Variants in DENND1A observed in about 807,000 individuals in gnomAD.
DENND1A encodes DENN domain-containing protein 1A.
In DENND1A, 51 loss-of-function variants were observed where a neutral mutation model predicts 113.7. The ratio of observed to expected loss-of-function variants is 0.45; its 90% CI spans 0.36 to 0.57. The LOEUF (loss-of-function observed/expected upper bound fraction) is 0.57, where lower values mean the gene tolerates loss of function less well. Among genes scored for constraint, DENND1A ranks in the 20% least tolerant of loss-of-function variants. DENND1A has a pLI of 0.00. For missense variants in DENND1A, 1,258 were observed against 1,395.9 expected, an observed-to-expected ratio of 0.90 and a Z score of 1.57; for synonymous variants, 565 against 570.8, an observed-to-expected ratio of 0.99 and a Z score of 0.14.
At chr9:123,753,003 G>A (rs2070195554) in intron 5 of DENND1A, among the ~76,000 whole-genome samples, 1 of 152,292 alleles carries the variant, frequency 6.6e-6, no homozygotes, top group South Asian at 2.1e-4. Flanking sequence ...ACCATGGGAG[G>A]AAATAATGCA....
rs952289439 is a variant in DENND1A, at chr9:123,789,373, G to A, written c.132+3214C>T. On this transcript the variant is annotated intron_variant, in intron 3 of 23. Coordinates refer to ENST00000394215, the MANE Select transcript of DENND1A (RefSeq NM_001352964.2). ...TTCAGATTACATTTTTTATGAAACA[G>A]TAAGATCTATCAGAGCTGAGAGGAC... Among the ~76,000 whole-genome samples, 5 of 152,060 alleles carry A rather than the reference G, an allele frequency of 3.3e-5. No individual in the cohort carries two copies. The South Asian group carries it at 6.2e-4, about 19-fold the overall frequency.
chr9:123,493,264 GGACA>G (rs1474221326), intron 13 of DENND1A: 1 of 152,302 alleles, frequency 6.6e-6, no homozygotes, highest in East Asian at 1.9e-4. Context: ...GAGGGAGGCA[GGACA>G]GACCTCATCA....
chr9:123,899,647 A>G (rs186822755), intron 1 of DENND1A, among the ~76,000 whole-genome samples: 22 of 152,344 alleles, frequency 1.4e-4, no homozygotes, highest in Admixed American at 3.3e-4. Flanking sequence ...AGTATTCCAC[A>G]GAATACCATG....
Position 123,898,175 on chromosome 9 carries a change from C to T in DENND1A, c.18-19154G>A, listed in dbSNP as rs117091764. Among the ~76,000 whole-genome samples, 33 of 152,168 alleles carry T rather than the reference C, an allele frequency of 2.2e-4. No individual in the cohort carries two copies. The East Asian group carries it at 4.8e-3, about 22-fold the overall frequency. On this transcript the variant is annotated intron_variant, in intron 1 of 23. Transcript: ENST00000394215. ...CACTGTAGTTTTAATTTGCATTTTC[C>T]TAATGACTAAAATGATGCTGAGCAT...
intron 9 of DENND1A, among the ~76,000 whole-genome samples, chr9:123,650,899 T>A (rs1321563531): frequency 8.8e-6 from 1 of 113,542 alleles, no homozygotes; most frequent in Non-Finnish European, 1.6e-5. Flanking sequence ...AGAGTAAGAC[T>A]CTGTCTCAAA....
At chr9:123,542,854 C>A (rs183195998) in intron 13 of DENND1A, among the ~76,000 whole-genome samples, 1 of 152,186 alleles carries the variant, frequency 6.6e-6, no homozygotes, top group Non-Finnish European at 1.5e-5. Context: ...TCCCTGTCTT[C>A]TTTTGAATTT....
chr9:123,895,601 G>A (rs1325180143), intron 1 of DENND1A, among the ~76,000 whole-genome samples: 2 of 148,504 alleles, frequency 1.3e-5, no homozygotes, highest in Non-Finnish European at 3.0e-5. Flanking sequence ...CAGCCTGGGC[G>A]ATAGAGTGAG....
At chr9:123,660,043 T>C (rs371655069) in intron 8 of DENND1A, among the ~76,000 whole-genome samples, 2 of 152,316 alleles carry the variant, frequency 1.3e-5, no homozygotes, top group East Asian at 3.9e-4. Flanking sequence ...TCCTCATGAA[T>C]AGAACACATC....
At chr9:123,484,556 C>T (rs1180530007) in intron 13 of DENND1A, among the ~76,000 whole-genome samples, 4 of 152,158 alleles carry the variant, frequency 2.6e-5, no homozygotes, top group African/African-American at 4.8e-5. Context: ...GGTCTTTCCC[C>T]TGCATTTAGG....
intron 4 of DENND1A, among the ~76,000 whole-genome samples, chr9:123,765,995 G>C (rs529078984): frequency 6.6e-6 from 1 of 152,272 alleles, no homozygotes; most frequent in East Asian, 1.9e-4. Context: ...GTTTGAACCA[G>C]ATGAATTTCA....
intron 21 of DENND1A, among the ~76,000 whole-genome samples, chr9:123,390,976 C>T (rs570022868): frequency 6.6e-6 from 1 of 152,390 alleles, no homozygotes; most frequent in South Asian, 2.1e-4. Flanking sequence ...TTTCCGGCTT[C>T]ACCCAGGAGC....
At chr9:123,743,480 C>T (rs965709833) in intron 5 of DENND1A, among the ~76,000 whole-genome samples, 5 of 151,704 alleles carry the variant, frequency 3.3e-5, no homozygotes, top group African/African-American at 4.8e-5. Flanking sequence ...TCCTGTAATC[C>T]CAGCACTTTG....
At chr9:123,772,826 G>A (rs1480392454) in intron 3 of DENND1A, among the ~76,000 whole-genome samples, 3 of 152,116 alleles carry the variant, frequency 2.0e-5, no homozygotes, top group Admixed American at 6.6e-5. Context: ...TAGGACATTC[G>A]CCACCTGGTT....
chr9:123,598,899 G>A (rs1195143042), intron 11 of DENND1A, among the ~76,000 whole-genome samples: 1 of 152,196 alleles, frequency 6.6e-6, no homozygotes, highest in Non-Finnish European at 1.5e-5. Context: ...TTTGGCTAAG[G>A]AAGTGTCCAG....
intron 9 of DENND1A, among the ~76,000 whole-genome samples, chr9:123,639,075 G>GAAAA (rs1423357730): frequency 5.2e-5 from 5 of 95,404 alleles, no homozygotes; most frequent in Admixed American, 4.3e-4. Context: ...AAGAAAGAAA[G>GAAAA]AAAAAAAAAG....
intron 1 of DENND1A, among the ~76,000 whole-genome samples, chr9:123,912,465 C>T (rs1019016927): frequency 6.6e-6 from 1 of 152,010 alleles, no homozygotes; most frequent in African/African-American, 2.4e-5. Context: ...GCCAAAGGAC[C>T]AAAAAGGGCA....
At position 123,770,776 on chromosome 9, in the gene DENND1A, C is replaced by G. The variant is rs1590017477; in HGVS notation, c.133-1213G>C. ...CTAATCCAAGTGATAAATTAAAGAT[C>G]AGCTTACAAATGTAGCACTTTTCTA... On this transcript the variant is annotated intron_variant, in intron 3 of 23. Coordinates refer to ENST00000394215, the MANE Select transcript of DENND1A (RefSeq NM_001352964.2). Among the ~76,000 whole-genome samples the G allele has an allele frequency of 2.6e-5, 4 of 152,298 alleles. 1 individual carries two copies. The highest frequency in any genetic ancestry group is 9.6e-5 in the African/African-American group (4 of 41,572).
chr9:123,704,867 C>T (rs531291599), intron 5 of DENND1A, among the ~76,000 whole-genome samples: 19 of 151,998 alleles, frequency 1.3e-4, no homozygotes, highest in East Asian at 9.6e-4. Flanking sequence ...AACCCAGATA[C>T]GTTATTCATA....
At chr9:123,598,903 T>C (rs2059821211) in intron 11 of DENND1A, among the ~76,000 whole-genome samples, 1 of 152,208 alleles carries the variant, frequency 6.6e-6, no homozygotes, top group African/African-American at 2.4e-5. Context: ...GCTAAGGAAG[T>C]GTCCAGGAGT....
Sources: gnomAD v4.1 joint callset for allele counts (sites outside exome capture counted in the v4.1 genomes callset) on GRCh38, gnomAD v4.1.1 for gene constraint, MANE v1.5 for transcripts, NCBI Gene and HGNC (gene_info 2026-07-23, HGNC 2026-07-21) for gene names.